PRSS48: variants seen among roughly 807,000 people sequenced by gnomAD.
The protein encoded by PRSS48 is serine protease 48, also known as epidermis-specific serine protease-like protein.
A neutral mutation model predicts 25.6 loss-of-function variants in PRSS48; 21 were observed. That is an observed-to-expected ratio of 0.82 (90% confidence interval 0.58 to 1.18). The LOEUF is 1.18. Ranked by LOEUF, PRSS48 falls within the 50% of genes most tolerant of loss-of-function variation. The pLI, the probability that PRSS48 is intolerant of heterozygous loss-of-function variation, is 0.00. For missense variants in PRSS48, 373 were observed against 399.3 expected (o/e 0.93, Z 0.56); for synonymous variants, 150 against 149.3 (o/e 1.00, Z -0.04).
At chr4:151,290,271 G>A (rs955712518) in intron 4 of PRSS48, among the ~76,000 whole-genome samples, 8 of 152,076 alleles carry the variant, frequency 5.3e-5, no homozygotes. Context: ...TAATATAATA[G>A]CCCAAATAAT....
intron 4 of PRSS48, among the ~76,000 whole-genome samples, chr4:151,284,115 A>G (rs1300184975): frequency 1.3e-5 from 2 of 152,138 alleles, no homozygotes; most frequent in East Asian, 1.9e-4. Flanking sequence ...ATTCTTTAAC[A>G]TATTTCACCA....
Position 151,283,107 on chromosome 4 carries a change from T to TC in PRSS48, c.482-8dup. On this transcript the variant is annotated splice_polypyrimidine_tract_variant and intron_variant, in intron 3 of 4. Coordinates refer to ENST00000455694, the Ensembl canonical transcript of PRSS48. ...TTGCTTTAATCTTTTGTTCCTGTCT[T>TC]CCTCCACAGATAGAGATTACCATTC... The TC allele has an allele frequency of 6.2e-7, 1 of 1,613,210 alleles. No homozygotes were observed. The highest frequency in any genetic ancestry group is 8.5e-7 in the Non-Finnish European group (1 of 1,179,428).
Position 151,286,030 on chromosome 4 carries a change from T to TA in PRSS48, c.651+2760dup, listed in dbSNP as rs771668211. On this transcript the variant is annotated intron_variant, in intron 4 of 4. Coordinates refer to ENST00000455694, the Ensembl canonical transcript of PRSS48. ...GAGCAATACAGTGAGACCCTATCTC[T>TA]AAAAAAAAAAAAAAAATCAGCCAGG... 8.0e-3 allele frequency among the ~76,000 whole-genome samples: 1,030 copies of TA among 128,814 alleles called. 7 individuals carry two copies. The highest frequency in any genetic ancestry group is 0.023 in the African/African-American group (794 of 34,932). 84.5% of individuals were successfully genotyped at this position (128,814 alleles called of 152,430 possible).
At chr4:151,287,725 T>G (rs1774951215) in intron 4 of PRSS48, among the ~76,000 whole-genome samples, 1 of 152,044 alleles carries the variant, frequency 6.6e-6, no homozygotes, top group African/African-American at 2.4e-5. Flanking sequence ...TGAGACCTCG[T>G]TTCTACAAAA....
chr4:151,279,189 C>G, intron 1 of PRSS48: 1 of 305,530 alleles, frequency 3.3e-6, no homozygotes, highest in South Asian at 3.0e-5. Context: ...AGGTCACCAG[C>G]ACACTAGAGA....
At chr4:151,285,742 C>T (rs1774685354) in intron 4 of PRSS48, among the ~76,000 whole-genome samples, 1 of 151,940 alleles carries the variant, frequency 6.6e-6, no homozygotes, top group Non-Finnish European at 1.5e-5. Context: ...GTGCACAAGC[C>T]TGTAGTCCCA....
chr4:151,287,213 T>C (rs1312674438), intron 4 of PRSS48, among the ~76,000 whole-genome samples: 1 of 151,132 alleles, frequency 6.6e-6, no homozygotes, highest in African/African-American at 2.4e-5. Flanking sequence ...TGGTGGCTCA[T>C]GCCTGTAATC....
intron 2 of PRSS48, among the ~76,000 whole-genome samples, chr4:151,280,401 A>ACTGCAGCTCACCTTGATTGCAG (rs535638399): frequency 7.9e-5 from 12 of 152,264 alleles, no homozygotes; most frequent in South Asian, 6.2e-4. Context: ...CAGTAAGATG[A>ACTGCAGCTCACCTTGATTGCAG]CTGCAGCTCA....
chr4:151,283,072 C>T lies in PRSS48; in HGVS notation c.482-45C>T, dbSNP rs774531120. The T allele has an allele frequency of 1.2e-5, 19 of 1,593,742 alleles. No homozygotes were observed. In the South Asian group the frequency reaches 2.0e-4, roughly 17 times the overall value. ...ATCATGACTGAATGCTGCCCCTGCACTTTTCTAGGTTGCTTTAATCTTTTG... is the reference window on the plus strand; with the variant it reads ...ATCATGACTGAATGCTGCCCCTGCATTTTTCTAGGTTGCTTTAATCTTTTG... On this transcript the variant is annotated intron_variant, in intron 3 of 4. Transcript: ENST00000455694.
At chr4:151,290,890 T>A (rs911473233) in intron 4 of PRSS48, among the ~76,000 whole-genome samples, 12 of 152,192 alleles carry the variant, frequency 7.9e-5, no homozygotes, top group Non-Finnish European at 1.0e-4. Flanking sequence ...CACAGACAAA[T>A]ATTTTGAAAT....
intron 4 of PRSS48, among the ~76,000 whole-genome samples, chr4:151,285,601 G>A (rs549619662): frequency 1.3e-5 from 2 of 152,142 alleles, no homozygotes; most frequent in African/African-American, 4.8e-5. Flanking sequence ...AAATGCCTAC[G>A]TTAAACAATA....
chr4:151,290,577 C>A (rs970859253), intron 4 of PRSS48, among the ~76,000 whole-genome samples: 5 of 152,094 alleles, frequency 3.3e-5, no homozygotes, highest in African/African-American at 9.7e-5. Context: ...TATGAGGTTT[C>A]TTTTTAGGGT....
chr4:151,283,155 C>G (rs1774411207), exon 4 of PRSS48: 1 of 1,613,864 alleles, frequency 6.2e-7, no homozygotes, highest in Non-Finnish European at 8.5e-7. Context: ...AGCAGAAGTA[C>G]CCATTATTGA....
At chr4:151,284,211 CTTG>C (rs1774519113) in intron 4 of PRSS48, among the ~76,000 whole-genome samples, 1 of 152,138 alleles carries the variant, frequency 6.6e-6, no homozygotes, top group Non-Finnish European at 1.5e-5. Flanking sequence ...AAACCATAAA[CTTG>C]TTAAGTTATA....
At chr4:151,289,415 G>A (rs1452504699) in intron 4 of PRSS48, among the ~76,000 whole-genome samples, 3 of 152,040 alleles carry the variant, frequency 2.0e-5, no homozygotes, top group Non-Finnish European at 4.4e-5. Flanking sequence ...TGCTTCAATG[G>A]ACACCATCAA....
At chr4:151,281,322 G>A (rs754747204) in intron 2 of PRSS48, among the ~76,000 whole-genome samples, 8 of 152,100 alleles carry the variant, frequency 5.3e-5, no homozygotes, top group Admixed American at 2.0e-4. Flanking sequence ...GAAGCAAAAC[G>A]TTTTATAAGA....
chr4:151,285,839 C>A (rs965121661), intron 4 of PRSS48, among the ~76,000 whole-genome samples: 1 of 151,860 alleles, frequency 6.6e-6, no homozygotes, highest in African/African-American at 2.4e-5. Flanking sequence ...TGCACTCCAG[C>A]CAGGACAACA....
chr4:151,288,032 T>A (rs1774989415), intron 4 of PRSS48, among the ~76,000 whole-genome samples: 1 of 122,392 alleles, frequency 8.2e-6, no homozygotes, highest in Admixed American at 8.9e-5. Context: ...CATATGATCA[T>A]GTCAATAAAT....
chr4:151,279,771 A>G, intron 1 of PRSS48, 25 bp from the exon 2 acceptor site: 1 of 1,611,270 alleles, frequency 6.2e-7, no homozygotes, highest in Non-Finnish European at 8.5e-7. Context: ...AGGTTTCCAC[A>G]TTTCCCTTTC....
Sources: gnomAD v4.1 joint callset for allele counts (sites outside exome capture counted in the v4.1 genomes callset) on GRCh38, gnomAD v4.1.1 for gene constraint, MANE v1.5 for transcripts, NCBI Gene and HGNC (gene_info 2026-07-23, HGNC 2026-07-21) for gene names.